The following PLAG1 variants were observed in gnomAD, a reference collection of about 807,000 sequenced individuals.
PLAG1 encodes the protein PLAG1 zinc finger.
In PLAG1, 7 loss-of-function variants were observed where a neutral mutation model predicts 35.5. The ratio of observed to expected loss-of-function variants is 0.20; its 90% CI spans 0.11 to 0.37. PLAG1 has a LOEUF of 0.37. Ranked by LOEUF, PLAG1 falls within the 10% of genes least tolerant of loss-of-function variation. The pLI, the probability that PLAG1 is intolerant of heterozygous loss-of-function variation, is 1.00. For missense variants in PLAG1, 454 were observed against 602.8 expected, an observed-to-expected ratio of 0.75 and a Z score of 2.58; for synonymous variants, 229 against 225.4, an observed-to-expected ratio of 1.02 and a Z score of -0.14.
chr8:56,162,141 A>G lies in PLAG1; in HGVS notation c.*4102T>C, dbSNP rs778148048. 3.1e-5 allele frequency: 7 copies of G among 227,886 alleles called. No individual in the cohort carries two copies. Among genetic ancestry groups the G allele is most frequent in the Admixed American group, 5.7e-5 (1 of 17,604 alleles). The allele number at this position is 227,886 out of a possible 1,614,324, so 14.1% of individuals were successfully genotyped here. On this transcript the variant is annotated 3_prime_UTR_variant, in exon 5 of 5. Coordinates refer to ENST00000316981, the MANE Select transcript of PLAG1 (RefSeq NM_002655.3). ...ATCACAACAGACTTATCTGTGTTGT[A>G]GACATGGCTGCTGACACAGTGTGAG...
chr8:56,180,306 A>G (rs1181327639), intron 1 of PLAG1, among the ~76,000 whole-genome samples: 1 of 152,308 alleles, frequency 6.6e-6, no homozygotes, highest in East Asian at 1.9e-4. Flanking sequence ...CCTAAGACGA[A>G]TATCTGACAC....
At chr8:56,182,350 A>C (rs1811896043) in intron 1 of PLAG1, among the ~76,000 whole-genome samples, 1 of 152,192 alleles carries the variant, frequency 6.6e-6, no homozygotes, top group South Asian at 2.1e-4. Flanking sequence ...TGTACAGCCA[A>C]CTCTTACAGA....
Position 56,166,742 on chromosome 8 carries a change from G to A in PLAG1, c.1004C>T (p.Pro335Leu), listed in dbSNP as rs867214774. The change falls in exon 5 of 5, where the codon CCG (proline) becomes CTG (leucine). Residue 335 changes from proline to leucine, a missense_variant. Physicochemically the swap from Pro to Leu is moderately conservative, Grantham distance 98. Coordinates refer to ENST00000316981, the MANE Select transcript of PLAG1 (RefSeq NM_002655.3). Reference protein sequence around the residue: ...HPSHHLSFKYPFSSTSYAISI... With the variant: ...HPSHHLSFKYLFSSTSYAISI... Reference sequence around the variant, plus strand: ...AATTGCATATGAGGTAGAACTGAACGGATATTTGAAAGAAAGGTGGTGAGA... The same window carrying A: ...AATTGCATATGAGGTAGAACTGAACAGATATTTGAAAGAAAGGTGGTGAGA... 1 of 1,614,008 alleles carries A rather than the reference G, an allele frequency of 6.2e-7. No homozygotes were observed. The highest frequency in any genetic ancestry group is 8.5e-7 in the Non-Finnish European group (1 of 1,179,944).
At position 56,164,047 on chromosome 8, in the gene PLAG1, C is replaced by T. The variant is rs1811283234; in HGVS notation, c.*2196G>A. 5.4e-6 allele frequency: 1 copy of T among 185,270 alleles called. No individual in the cohort carries two copies. Among genetic ancestry groups the T allele is most frequent in the South Asian group, 2.0e-4 (1 of 5,100 alleles). The allele number at this position is 185,270 out of a possible 1,614,324, so 11.5% of individuals were successfully genotyped here. On this transcript the variant is annotated 3_prime_UTR_variant, in exon 5 of 5. Coordinates refer to ENST00000316981, the MANE Select transcript of PLAG1 (RefSeq NM_002655.3). Reference sequence around the variant, plus strand: ...TAAAGGAAGCAGTAATGAAGCAGAGCGAAAAGCCTACTTTCAGAAAAAATA... The same window carrying T: ...TAAAGGAAGCAGTAATGAAGCAGAGTGAAAAGCCTACTTTCAGAAAAAATA...
chr8:56,193,835 C>A (rs754778086), intron 1 of PLAG1, among the ~76,000 whole-genome samples: 1 of 151,844 alleles, frequency 6.6e-6, no homozygotes, highest in African/African-American at 2.4e-5. Flanking sequence ...ATAGCTGGCA[C>A]CTGCTATTCG....
At chr8:56,173,399 G>T (rs1014689941) in intron 2 of PLAG1, among the ~76,000 whole-genome samples, 1 of 151,982 alleles carries the variant, frequency 6.6e-6, no homozygotes, top group African/African-American at 2.4e-5. Context: ...GGACTGGTTA[G>T]AAATTATTCT....
chr8:56,180,437 A>G (rs184504232), intron 1 of PLAG1, among the ~76,000 whole-genome samples: 18 of 152,306 alleles, frequency 1.2e-4, no homozygotes, highest in Admixed American at 5.9e-4. Context: ...TGCAGAATAT[A>G]TACCTTTTGT....
rs71256590 is a variant in PLAG1, at chr8:56,163,236, T to TTTTTA, written c.*3006_*3007insTAAAA. On this transcript the variant is annotated 3_prime_UTR_variant, in exon 5 of 5. Transcript: ENST00000316981. ...TTTTTTTTTTTTTTTTTTTTTTTTT[T>TTTTTA]AACCAAGCTAAGGCACTACCAGAAA... 6.7e-6 allele frequency: 1 copy of TTTTTA among 149,016 alleles called. No homozygotes were observed. Among genetic ancestry groups the TTTTTA allele is most frequent in the Admixed American group, 7.3e-5 (1 of 13,718 alleles). The allele number at this position is 149,016 out of a possible 1,614,324, so 9.2% of individuals were successfully genotyped here. A position where few individuals can be genotyped will look rare whatever the true frequency, so the allele number is the denominator to read the frequency against.
At chr8:56,183,930 T>G (rs1253175123) in intron 1 of PLAG1, among the ~76,000 whole-genome samples, 2 of 152,162 alleles carry the variant, frequency 1.3e-5, no homozygotes, top group African/African-American at 4.8e-5. Context: ...CAAAAAGTCC[T>G]TGGTCACAAC....
intron 1 of PLAG1, among the ~76,000 whole-genome samples, chr8:56,180,024 G>A (rs1373442566): frequency 6.6e-6 from 1 of 152,102 alleles, no homozygotes; most frequent in Non-Finnish European, 1.5e-5. Flanking sequence ...GACAATTTCT[G>A]AGCTCTTGAA....
In PLAG1 at chr8:56,166,599, C is replaced by CTAG; in HGVS notation, c.1144_1146dup (p.Leu382dup). The CTAG allele has an allele frequency of 6.2e-7, 1 of 1,613,972 alleles. No homozygotes were observed. The highest frequency in any genetic ancestry group is 1.1e-5 in the South Asian group (1 of 91,062). The stretch of plus-strand genomic sequence containing the variant: ...AGGGACCCAATCTGAGGATCCAACC[C>CTAG]TAGCTTAGATGATGACGATGCTTGA... On this transcript the variant is annotated inframe_insertion, in exon 5 of 5. Transcript: ENST00000316981.
intron 1 of PLAG1, among the ~76,000 whole-genome samples, chr8:56,194,158 A>C (rs1812280294): frequency 6.6e-6 from 1 of 152,076 alleles, no homozygotes; most frequent in Non-Finnish European, 1.5e-5. Flanking sequence ...TACTAAAAAA[A>C]TACAAAAAAT....
chr8:56,205,176 G>A (rs1406230935), intron 1 of PLAG1, among the ~76,000 whole-genome samples: 1 of 151,820 alleles, frequency 6.6e-6, no homozygotes, highest in Non-Finnish European at 1.5e-5. Context: ...TTCTTAGACT[G>A]AGGTTTTAAA....
At position 56,167,157 on chromosome 8, in the gene PLAG1, G is replaced by A. The variant is rs780434899; in HGVS notation, c.589C>T (p.Arg197Ter). Residue 197 changes from arginine (R) to a stop codon, truncating the protein, a stop_gained, in exon 5 of 5, where the codon CGA becomes TGA. Coordinates refer to ENST00000316981, the MANE Select transcript of PLAG1 (RefSeq NM_002655.3). LOFTEE classifies it high-confidence loss of function. This position sits in a 1 kb window ranked among gnomAD's most constrained non-coding sequence, Gnocchi z 5.9. ...CEHCDRRFYTRKDVRRHMVVH... is the reference protein window; with the variant it reads ...CEHCDRRFYT ...ACCATGTGTCTCCGGACATCCTTTC[G>A]GGTGTAGAACCGGCGATCACAATGT... 1.2e-6 allele frequency: 2 copies of A among 1,613,918 alleles called. No homozygotes were observed. The highest frequency in any genetic ancestry group is 8.5e-7 in the Non-Finnish European group (1 of 1,179,982).
Position 56,165,013 on chromosome 8 carries a change from A to T in PLAG1, c.*1230T>A, listed in dbSNP as rs1260345906. ...TTCTCCATCCAAAATATTGCAAGGA[A>T]AGATGGATTCACATTGAATCAGAAA... On this transcript the variant is annotated 3_prime_UTR_variant, in exon 5 of 5. Transcript: ENST00000316981. 4.8e-6 allele frequency: 1 copy of T among 206,870 alleles called. No homozygotes were observed. The highest frequency in any genetic ancestry group is 5.9e-5 in the Admixed American group (1 of 16,880). The allele number at this position is 206,870 out of a possible 1,614,324, so 12.8% of individuals were successfully genotyped here. A position where few individuals can be genotyped will look rare whatever the true frequency, so the allele number is the denominator to read the frequency against.
chr8:56,188,273 G>T (rs556770137), intron 1 of PLAG1, among the ~76,000 whole-genome samples: 2 of 152,212 alleles, frequency 1.3e-5, no homozygotes, highest in Non-Finnish European at 1.5e-5. Context: ...TGGTATGCGG[G>T]GAAGATGCAG....
chr8:56,196,945 A>AGTGTGT (rs1366304305), intron 1 of PLAG1, among the ~76,000 whole-genome samples: 2,820 of 84,116 alleles, frequency 0.034, 61 homozygotes, highest in African/African-American at 0.067. Context: ...CTCCCTCCCT[A>AGTGTGT]GTGTGCGTGT....
intron 1 of PLAG1, among the ~76,000 whole-genome samples, chr8:56,182,665 T>C (rs1454011624): frequency 6.6e-6 from 1 of 152,116 alleles, no homozygotes; most frequent in Non-Finnish European, 1.5e-5. Flanking sequence ...CATTGGGTGA[T>C]AAGCAAATGA....
At chr8:56,180,970 TCATC>T (rs1177730335) in intron 1 of PLAG1, among the ~76,000 whole-genome samples, 2 of 152,148 alleles carry the variant, frequency 1.3e-5, no homozygotes, top group African/African-American at 4.8e-5. Context: ...GAAAAAAAGC[TCATC>T]ATCACTGGTC....
Sources: allele counts gnomAD v4.1 joint callset (sites outside exome capture counted in the v4.1 genomes callset), GRCh38; gene constraint gnomAD v4.1.1; non-coding constraint Gnocchi (gnomAD v3.1); transcripts MANE v1.5; gene names NCBI Gene and HGNC (gene_info 2026-07-23, HGNC 2026-07-21).